Variants in AFF1 observed in about 807,000 individuals in gnomAD.
AFF1 encodes ALF transcription elongation factor 1.
Under a neutral mutation model 121.7 loss-of-function variants are expected in AFF1, and 48 were observed. The ratio of observed to expected loss-of-function variants is 0.39; its 90% CI spans 0.31 to 0.50. The LOEUF is 0.50. Among genes scored for constraint, AFF1 ranks in the 20% least tolerant of loss-of-function variants. The probability of loss-of-function intolerance (pLI) is 0.76; values close to 1 mark genes in which losing one functional copy is unlikely to be tolerated. For missense variants in AFF1, 1,523 were observed against 1,511.7 expected (o/e 1.01, Z -0.12); for synonymous variants, 613 against 563.0 (o/e 1.09, Z -1.26).
intron 12 of AFF1, among the ~76,000 whole-genome samples, chr4:87,117,085 G>A (rs143266574): frequency 1.4e-4 from 21 of 152,232 alleles, no homozygotes; most frequent in African/African-American, 4.6e-4. Context: ...TACCTACCAG[G>A]TGGCAATGTT....
intron 15 of AFF1, among the ~76,000 whole-genome samples, 163 bp downstream of exon 15, chr4:87,127,280 C>T (rs1257900587): frequency 1.3e-5 from 2 of 151,908 alleles, no homozygotes; most frequent in Admixed American, 1.3e-4. Context: ...CCTGCCTCAG[C>T]CTCCCAAGTA....
chr4:87,030,690 A>G (rs1037315486), intron 2 of AFF1, among the ~76,000 whole-genome samples: 1 of 151,738 alleles, frequency 6.6e-6, no homozygotes, highest in African/African-American at 2.4e-5. Flanking sequence ...CACATTGTTA[A>G]TGTTGGCTCA....
intron 2 of AFF1, among the ~76,000 whole-genome samples, chr4:87,012,828 G>T (rs567900196): frequency 6.6e-6 from 1 of 152,146 alleles, no homozygotes; most frequent in South Asian, 2.1e-4. Flanking sequence ...CTGTGTCTTG[G>T]CAGTGATCAG....
At chr4:86,978,688 G>T (rs1234702223) in intron 2 of AFF1, among the ~76,000 whole-genome samples, 1 of 152,114 alleles carries the variant, frequency 6.6e-6, no homozygotes. Flanking sequence ...CACTTAAGGT[G>T]GGATATATCC....
At chr4:87,096,594 C>T (rs1424278708) in intron 8 of AFF1, among the ~76,000 whole-genome samples, 2 of 151,542 alleles carry the variant, frequency 1.3e-5, no homozygotes, top group Admixed American at 1.3e-4. Flanking sequence ...GGTTGGAGTG[C>T]AGTGGCTCTT....
At chr4:87,027,982 T>G (rs2149576145) in intron 2 of AFF1, among the ~76,000 whole-genome samples, 1 of 151,932 alleles carries the variant, frequency 6.6e-6, no homozygotes, top group African/African-American at 2.4e-5. Flanking sequence ...ACTTTTTGAG[T>G]GATGACATGA....
At position 87,074,305 on chromosome 4, in the gene AFF1, TA is replaced by T. The variant is rs111573847; in HGVS notation, c.1060-9802del. 5.2e-3 allele frequency among the ~76,000 whole-genome samples: 757 copies of T among 145,906 alleles called. 1 individual carries two copies. The highest frequency in any genetic ancestry group is 0.013 in the African/African-American group (533 of 40,168). On this transcript the variant is annotated intron_variant, in intron 4 of 20. Transcript: ENST00000395146. ...CTAGACTTGTTCTTTGTGATGCCTT[TA>T]AAAAAAAAAAAATCAGTGCCTTTTA...
At chr4:87,040,548 A>G (rs993956293) in intron 2 of AFF1, among the ~76,000 whole-genome samples, 2 of 149,250 alleles carry the variant, frequency 1.3e-5, no homozygotes, top group African/African-American at 5.0e-5. Context: ...TTTGTGAGCA[A>G]GTCAATCCCC....
chr4:87,111,594 TCCAC>T (rs1243582913), intron 11 of AFF1, among the ~76,000 whole-genome samples: 1 of 152,066 alleles, frequency 6.6e-6, no homozygotes, highest in Non-Finnish European at 1.5e-5. Flanking sequence ...CCTCAAGTGA[TCCAC>T]CCACCTCGGC....
Position 86,951,897 on chromosome 4 carries a change from G to A in AFF1, c.38+3326G>A, listed in dbSNP as rs989491872. ...CCAAAGTGCTGGGATTACAGGCGTG[G>A]GCCACCACATCTGGCTGGGAACCTT... On this transcript the variant is annotated intron_variant, in intron 2 of 20. Coordinates refer to ENST00000395146, the MANE Select transcript of AFF1 (RefSeq NM_001166693.3). Among the ~76,000 whole-genome samples, 7 of 151,036 alleles carry A rather than the reference G, an allele frequency of 4.6e-5. No individual in the cohort carries two copies. In the East Asian group the frequency reaches 9.7e-4, roughly 21 times the overall value.
At chr4:86,943,630 G>C (rs1720625918) in intron 1 of AFF1, among the ~76,000 whole-genome samples, 1 of 152,146 alleles carries the variant, frequency 6.6e-6, no homozygotes, top group African/African-American at 2.4e-5. Flanking sequence ...TTCGGGACCA[G>C]CCTGGGCAAC....
chr4:86,997,569 TG>T (rs1725312607), intron 2 of AFF1, among the ~76,000 whole-genome samples: 1 of 148,014 alleles, frequency 6.8e-6, no homozygotes, highest in African/African-American at 2.5e-5. Context: ...GAGACCATCC[TG>T]GCCAACACGG....
intron 2 of AFF1, among the ~76,000 whole-genome samples, chr4:87,042,489 T>A (rs1179091420): frequency 6.6e-6 from 1 of 152,196 alleles, no homozygotes; most frequent in African/African-American, 2.4e-5. Flanking sequence ...TGTTGGACAG[T>A]GTGGGGAGAG....
chr4:87,065,229 G>A (rs28677145), intron 4 of AFF1, among the ~76,000 whole-genome samples: 65,907 of 152,052 alleles, frequency 0.43, 15,039 homozygotes, highest in African/African-American at 0.58. Flanking sequence ...AGCAGGTCAC[G>A]TCTACGTGAG....
At chr4:87,042,583 T>A (rs550081010) in intron 2 of AFF1, among the ~76,000 whole-genome samples, 1 of 152,196 alleles carries the variant, frequency 6.6e-6, no homozygotes, top group Non-Finnish European at 1.5e-5. Context: ...TCACTACTTA[T>A]AGGGCTTTTA....
chr4:86,952,763 C>G (rs1721450066), intron 2 of AFF1, among the ~76,000 whole-genome samples: 1 of 151,316 alleles, frequency 6.6e-6, no homozygotes, highest in African/African-American at 2.4e-5. Flanking sequence ...ATCTTGGCCC[C>G]TCTGCCTCCC....
At position 86,988,936 on chromosome 4, in the gene AFF1, G is replaced by T. The variant is rs186749165; in HGVS notation, c.38+40365G>T. 9.9e-4 allele frequency among the ~76,000 whole-genome samples: 150 copies of T among 152,284 alleles called. 2 individuals are homozygous for T. The highest frequency in any genetic ancestry group is 6.8e-3 in the Middle Eastern group (2 of 294). On this transcript the variant is annotated intron_variant, in intron 2 of 20. Coordinates refer to ENST00000395146, the MANE Select transcript of AFF1 (RefSeq NM_001166693.3). ...AAACCTGACAAAAACAAGCAATGGGGAAAGGATTCCCTATTTAATAAATGG... is the reference window on the plus strand; with the variant it reads ...AAACCTGACAAAAACAAGCAATGGGTAAAGGATTCCCTATTTAATAAATGG...
At chr4:87,095,059 A>G in intron 8 of AFF1, 90 bp downstream of exon 8, 2 of 1,195,906 alleles carry the variant, frequency 1.7e-6, no homozygotes, top group Non-Finnish European at 2.5e-6. Flanking sequence ...TTCTGCCTTT[A>G]TGTAATGACA....
intron 13 of AFF1, 64 bp from the exon 14 acceptor site, chr4:87,126,035 A>G (rs1728205376): frequency 6.6e-7 from 1 of 1,515,424 alleles, no homozygotes; most frequent in Non-Finnish European, 9.1e-7. Flanking sequence ...GTTTGTAACT[A>G]AACAACGAAG....
Sources: gnomAD v4.1 joint callset for allele counts (sites outside exome capture counted in the v4.1 genomes callset) on GRCh38, gnomAD v4.1.1 for gene constraint, MANE v1.5 for transcripts, NCBI Gene and HGNC (gene_info 2026-07-23, HGNC 2026-07-21) for gene names.